The following ABCA9 variants were observed in gnomAD, a reference collection of about 807,000 sequenced individuals.
The protein encoded by ABCA9 is ATP binding cassette subfamily A member 9, also known as ATP-binding cassette sub-family A member 9.
A neutral mutation model predicts 205.3 loss-of-function variants in ABCA9; 183 were observed. That is an observed-to-expected ratio of 0.89 (90% CI 0.79 to 1.01). The LOEUF is 1.01. Among genes scored for constraint, ABCA9 ranks in the 50% least tolerant of loss-of-function variants. The probability of loss-of-function intolerance (pLI) is 0.00; values close to 1 mark genes in which losing one functional copy is unlikely to be tolerated. For missense variants in ABCA9, 1,805 were observed against 1,912.4 expected (o/e 0.94, Z 1.05); for synonymous variants, 651 against 683.3 (o/e 0.95, Z 0.74).
Position 68,999,232 on chromosome 17 carries a change from C to T in ABCA9, c.3436-3218G>A, listed in dbSNP as rs569335128. On this transcript the variant is annotated intron_variant, in intron 25 of 38. Coordinates refer to ENST00000340001, the MANE Select transcript of ABCA9 (RefSeq NM_080283.4). ...TGCTGGTGTGCTGCACCCACTAACT[C>T]GTCATCTAGCATTAGGTATATCTCC... Among the ~76,000 whole-genome samples, 10 of 143,324 alleles carry T rather than the reference C, an allele frequency of 7.0e-5. No homozygotes were observed. In the East Asian group the frequency reaches 1.4e-3, roughly 20 times the overall value. 94.0% of individuals were successfully genotyped at this position (143,324 alleles called of 152,430 possible).
chr17:69,020,284 G>T (rs942532728), intron 19 of ABCA9, 104 bp downstream of exon 19: 2 of 1,059,232 alleles, frequency 1.9e-6, no homozygotes, highest in African/African-American at 3.2e-5. Context: ...AAGACAATGT[G>T]CATTTACTGA....
intron 9 of ABCA9, 122 bp downstream of exon 9, chr17:69,033,604 T>C: frequency 1.3e-6 from 1 of 782,158 alleles, no homozygotes; most frequent in Non-Finnish European, 2.1e-6. Flanking sequence ...TAGAATATCA[T>C]TAGGCTTGTT....
rs1441434171 is a variant in ABCA9, at chr17:69,002,004, CTCTT to C, written c.3435+5751_3435+5754del. Among the ~76,000 whole-genome samples, 7 of 151,782 alleles carry C rather than the reference CTCTT, an allele frequency of 4.6e-5. No individual in the cohort carries two copies. The South Asian group carries it at 1.0e-3, about 23-fold the overall frequency. ...TTTATTGCATCTATTTGATTCTTCT[CTCTT>C]TTTTTCTTTATTAATCTTGCTAGCG... On this transcript the variant is annotated intron_variant, in intron 25 of 38. Transcript: ENST00000340001.
chr17:68,982,582 G>T lies in ABCA9; in HGVS notation c.4700C>A (p.Ala1567Asp), dbSNP rs2069094047. The change falls in exon 37 of 39, where the codon GCT becomes GAT. Residue 1567 changes from alanine (A) to aspartate (D), a missense_variant. Coordinates refer to ENST00000340001, the MANE Select transcript of ABCA9 (RefSeq NM_080283.4). ...PVEDVRPLSQAFFKLEIVKQS... is the reference protein window; with the variant it reads ...PVEDVRPLSQDFFKLEIVKQS... Reference sequence around the variant, plus strand: ...CTTACCTATCTCTAATTTGAAGAAAGCCTGTGATAAAGGTCGCACATCCTC... The same window carrying T: ...CTTACCTATCTCTAATTTGAAGAAATCCTGTGATAAAGGTCGCACATCCTC... 3.1e-6 allele frequency: 5 copies of T among 1,613,820 alleles called. No homozygotes were observed. Among genetic ancestry groups the T allele is most frequent in the Admixed American group, 3.3e-5 (2 of 59,990 alleles).
At chr17:69,025,767 C>G (rs2070959175) in intron 16 of ABCA9, among the ~76,000 whole-genome samples, 1 of 152,092 alleles carries the variant, frequency 6.6e-6, no homozygotes, top group African/African-American at 2.4e-5. Flanking sequence ...CTATCATTTA[C>G]AAGTCGTGGA....
At chr17:69,057,865 A>G (rs988772075) in intron 1 of ABCA9, among the ~76,000 whole-genome samples, 1 of 152,202 alleles carries the variant, frequency 6.6e-6, no homozygotes, top group Non-Finnish European at 1.5e-5. Flanking sequence ...CTGAAACAAT[A>G]AAGTATAACA....
Position 68,983,772 on chromosome 17 carries a change from GC to G in ABCA9, c.4576del (p.Ala1526HisfsTer11). On this transcript the variant is annotated frameshift_variant, in exon 36 of 39. Transcript: ENST00000340001. LOFTEE classifies it high-confidence loss of function. Reference sequence around the variant, plus strand: ...CTCTGCATGGAGGGGCTCCATTTGTGCCAGGTTCTTCAGCTTCATCTCCAGC... The same window carrying G: ...CTCTGCATGGAGGGGCTCCATTTGTGCAGGTTCTTCAGCTTCATCTCCAGC... ...YLLEMKLKNL[A>X]QMEPLHAEIL... 1 of 1,614,194 alleles carries G rather than the reference GC, an allele frequency of 6.2e-7. No homozygotes were observed. Among genetic ancestry groups the G allele is most frequent in the East Asian group, 2.2e-5 (1 of 44,880 alleles).
Position 68,985,918 on chromosome 17 carries a change from C to A in ABCA9, c.4208+246G>T, listed in dbSNP as rs373428441. On this transcript the variant is annotated intron_variant, in intron 32 of 38. Coordinates refer to ENST00000340001, the MANE Select transcript of ABCA9 (RefSeq NM_080283.4). Reference sequence around the variant, plus strand: ...GTTGCACTGAGCACTCCAGCCTGGGCGGCAGAGCCAAACTCCGTCTCAAAA... The same window carrying A: ...GTTGCACTGAGCACTCCAGCCTGGGAGGCAGAGCCAAACTCCGTCTCAAAA... Among the ~76,000 whole-genome samples, 7 of 151,502 alleles carry A rather than the reference C, an allele frequency of 4.6e-5. No homozygotes were observed. In the East Asian group the frequency reaches 1.4e-3, roughly 29 times the overall value.
At chr17:69,004,075 A>G (rs2070004242) in intron 25 of ABCA9, among the ~76,000 whole-genome samples, 1 of 152,152 alleles carries the variant, frequency 6.6e-6, no homozygotes, top group African/African-American at 2.4e-5. Context: ...GTCTTCCCGT[A>G]GCTCAGAGTA....
chr17:68,990,353 A>C (rs2144026142), intron 29 of ABCA9, among the ~76,000 whole-genome samples: 1 of 152,310 alleles, frequency 6.6e-6, no homozygotes, highest in Non-Finnish European at 1.5e-5. Flanking sequence ...AAATAAATCA[A>C]TACAAGTCAA....
chr17:69,007,143 C>T (rs894297923), intron 25 of ABCA9, among the ~76,000 whole-genome samples: 3 of 152,166 alleles, frequency 2.0e-5, no homozygotes, highest in Non-Finnish European at 4.4e-5. Context: ...AGGCCAGGCA[C>T]GGTGGCTCAC....
At chr17:68,994,165 C>T (rs1321903361) in intron 26 of ABCA9, among the ~76,000 whole-genome samples, 2 of 152,182 alleles carry the variant, frequency 1.3e-5, no homozygotes, top group Non-Finnish European at 2.9e-5. Flanking sequence ...CATGAGCCAC[C>T]GCACCTGGCC....
At chr17:69,038,931 ACT>A (rs1167821922) in intron 6 of ABCA9, among the ~76,000 whole-genome samples, 1 of 152,024 alleles carries the variant, frequency 6.6e-6, no homozygotes, top group Admixed American at 6.6e-5. Flanking sequence ...TAATAGACAG[ACT>A]GCCAAATCAT....
At chr17:68,982,831 C>A (rs531831379) in intron 36 of ABCA9, among the ~76,000 whole-genome samples, 190 bp from the exon 37 acceptor site, 1 of 152,216 alleles carries the variant, frequency 6.6e-6, no homozygotes, top group South Asian at 2.1e-4. Flanking sequence ...AGATGGAGAT[C>A]CCATCTCCAC....
chr17:69,056,800 G>C (rs2072083222), intron 1 of ABCA9, among the ~76,000 whole-genome samples: 1 of 152,204 alleles, frequency 6.6e-6, no homozygotes. Context: ...CTAGAGTAGA[G>C]TGATGGTGGT....
At chr17:69,016,092 A>ATG (rs372014674) in intron 22 of ABCA9, among the ~76,000 whole-genome samples, 161 bp downstream of exon 22, 1,270 of 90,008 alleles carry the variant, frequency 0.014, 17 homozygotes, top group African/African-American at 0.039. Flanking sequence ...ACAGATTTAT[A>ATG]TGTGTGTGTG....
At chr17:69,041,848 G>A (rs1598405145) in intron 6 of ABCA9, among the ~76,000 whole-genome samples, 1 of 152,030 alleles carries the variant, frequency 6.6e-6, no homozygotes, top group Non-Finnish European at 1.5e-5. Flanking sequence ...AACCAAAGAA[G>A]TAATTCATCT....
intron 17 of ABCA9, 141 bp from the exon 18 acceptor site, chr17:69,022,002 T>A (rs1465426952): frequency 1.2e-5 from 7 of 595,366 alleles, no homozygotes; most frequent in African/African-American, 1.9e-5. Context: ...ATTTCTAAAA[T>A]GATCCATATA....
chr17:69,005,320 C>T (rs564602046), intron 25 of ABCA9, among the ~76,000 whole-genome samples: 4 of 152,262 alleles, frequency 2.6e-5, no homozygotes, highest in Non-Finnish European at 5.9e-5. Flanking sequence ...TTTCACCCTA[C>T]CTAGTAGGCA....
Sources: allele counts gnomAD v4.1 joint callset (sites outside exome capture counted in the v4.1 genomes callset), GRCh38; gene constraint gnomAD v4.1.1; transcripts MANE v1.5; gene names NCBI Gene and HGNC (gene_info 2026-07-23, HGNC 2026-07-21).